RNF220: variants seen among roughly 807,000 people sequenced by gnomAD.
The protein encoded by RNF220 is ring finger protein 220, also known as E3 ubiquitin-protein ligase RNF220.
RNF220 carries 7 observed loss-of-function variants against 67.1 expected under a neutral mutation model. The observed-to-expected ratio is 0.10, with a 90% CI of 0.06 to 0.20. RNF220 has a LOEUF of 0.20. Among genes scored for constraint, RNF220 ranks in the 10% least tolerant of loss-of-function variants. The pLI, the probability that RNF220 is intolerant of heterozygous loss-of-function variation, is 1.00. For missense variants in RNF220, 565 were observed against 740.3 expected, an observed-to-expected ratio of 0.76 and a Z score of 2.75; for synonymous variants, 270 against 283.2, an observed-to-expected ratio of 0.95 and a Z score of 0.47.
At chr1:44,486,714 A>G (rs1656340531) in intron 2 of RNF220, among the ~76,000 whole-genome samples, 1 of 152,150 alleles carries the variant, frequency 6.6e-6, no homozygotes, top group Non-Finnish European at 1.5e-5. Context: ...GAAGCCATGG[A>G]GCTTCATGGC....
chr1:44,484,246 T>G (rs1435581003), intron 2 of RNF220, among the ~76,000 whole-genome samples: 1 of 151,724 alleles, frequency 6.6e-6, no homozygotes, highest in African/African-American at 2.4e-5. Context: ...GTAACTGGCA[T>G]AGAAGAAAAA....
At chr1:44,568,846 G>A (rs1664226423) in intron 2 of RNF220, among the ~76,000 whole-genome samples, 1 of 152,180 alleles carries the variant, frequency 6.6e-6, no homozygotes, top group Admixed American at 6.5e-5. Flanking sequence ...GGGATTCCAT[G>A]GGAAGGCTTC....
chr1:44,498,751 C>T (rs1368580012), intron 2 of RNF220, among the ~76,000 whole-genome samples: 3 of 152,284 alleles, frequency 2.0e-5, no homozygotes, highest in African/African-American at 4.8e-5. Flanking sequence ...CTGGGCCCCA[C>T]GCCCAGAGTT....
intron 2 of RNF220, among the ~76,000 whole-genome samples, chr1:44,526,983 A>T (rs557700448): frequency 6.6e-6 from 1 of 151,940 alleles, no homozygotes; most frequent in Admixed American, 6.6e-5. Flanking sequence ...CTTCTGCTTG[A>T]TGTGCCCCTT....
chr1:44,421,277 T>C (rs940629417), intron 2 of RNF220, among the ~76,000 whole-genome samples: 15 of 152,224 alleles, frequency 9.9e-5, no homozygotes, highest in African/African-American at 3.6e-4. Flanking sequence ...TTTATATTAC[T>C]GGATATTGTT....
rs147357590 is a variant in RNF220, at chr1:44,605,934, C to T, written c.626-8231C>T. 1.1e-4 allele frequency among the ~76,000 whole-genome samples: 17 copies of T among 152,314 alleles called. 1 individual carries two copies. The East Asian group carries it at 3.1e-3, about 28-fold the overall frequency. On this transcript the variant is annotated intron_variant, in intron 2 of 14. Transcript: ENST00000361799. Reference sequence around the variant, plus strand: ...CCTGGGGTCTGGGCAAGAGGGTGCACAGCTGTTCCCAGGACATCCCTGGGC... The same window carrying T: ...CCTGGGGTCTGGGCAAGAGGGTGCATAGCTGTTCCCAGGACATCCCTGGGC...
intron 8 of RNF220, among the ~76,000 whole-genome samples, chr1:44,637,287 TG>T (rs1644357181): frequency 6.6e-6 from 1 of 152,184 alleles, no homozygotes; most frequent in Non-Finnish European, 1.5e-5. Context: ...CCCAGGTGTT[TG>T]GGGGCAAGCC....
intron 6 of RNF220, chr1:44,632,684 G>T: frequency 1.9e-6 from 1 of 533,526 alleles, no homozygotes; most frequent in South Asian, 2.3e-5. Context: ...CGGGAGCTCA[G>T]CTTTGAATTT....
At chr1:44,524,822 G>A (rs1451853535) in intron 2 of RNF220, among the ~76,000 whole-genome samples, 1 of 152,178 alleles carries the variant, frequency 6.6e-6, no homozygotes, top group Non-Finnish European at 1.5e-5. Context: ...CAAATTATTA[G>A]CGCTGTAATG....
At chr1:44,419,231 A>T (rs1398912347) in intron 2 of RNF220, 2 of 152,224 alleles carry the variant, frequency 1.3e-5, no homozygotes, top group Non-Finnish European at 2.9e-5. Context: ...GTTGAACAGA[A>T]TGTGTTGTTA....
intron 2 of RNF220, among the ~76,000 whole-genome samples, chr1:44,485,975 C>T (rs1394298503): frequency 6.6e-6 from 1 of 152,168 alleles, no homozygotes; most frequent in African/African-American, 2.4e-5. Flanking sequence ...AAATCTATTG[C>T]CCCTCTGTAA....
chr1:44,440,904 G>C (rs772627378), intron 2 of RNF220, among the ~76,000 whole-genome samples: 13 of 152,178 alleles, frequency 8.5e-5, no homozygotes, highest in Non-Finnish European at 1.8e-4. Flanking sequence ...AGGTGCTCCA[G>C]AGGCCTTGAC....
chr1:44,580,495 C>T (rs1182406635), intron 2 of RNF220, among the ~76,000 whole-genome samples: 1 of 152,122 alleles, frequency 6.6e-6, no homozygotes, highest in Non-Finnish European at 1.5e-5. Context: ...TCTGTCTGAG[C>T]CCAAGAGTTT....
chr1:44,448,303 TA>T (rs1328219634), intron 2 of RNF220, among the ~76,000 whole-genome samples: 1 of 152,156 alleles, frequency 6.6e-6, no homozygotes, highest in Non-Finnish European at 1.5e-5. Flanking sequence ...AAAAAATAAA[TA>T]AGTAAATCGA....
chr1:44,650,353 T>TAAAATGTCGCCC lies in RNF220; in HGVS notation c.1630-350_1630-339dup. 1 of 464,340 alleles carries TAAAATGTCGCCC rather than the reference T, an allele frequency of 2.2e-6. No individual in the cohort carries two copies. Among genetic ancestry groups the TAAAATGTCGCCC allele is most frequent in the Non-Finnish European group, 3.9e-6 (1 of 253,868 alleles). The allele number at this position is 464,340 out of a possible 1,614,324, so 28.8% of individuals were successfully genotyped here. On this transcript the variant is annotated intron_variant, in intron 14 of 14. Coordinates refer to ENST00000361799, the MANE Select transcript of RNF220 (RefSeq NM_018150.4). This position sits in a 1 kb window ranked among gnomAD's most constrained non-coding sequence, Gnocchi z 4.3. ...CTGTTCTTCGCTCAGGAGCAGCCAT[T>TAAAATGTCGCCC]AAAATGTCGCCCGGAGACAGTAATA...
intron 8 of RNF220, among the ~76,000 whole-genome samples, chr1:44,639,824 C>G (rs1245747802): frequency 6.6e-6 from 1 of 151,936 alleles, no homozygotes; most frequent in Non-Finnish European, 1.5e-5. Context: ...ACTTTTTCAC[C>G]CAGGCTGGAG....
chr1:44,588,218 G>A (rs1186572218), intron 2 of RNF220, among the ~76,000 whole-genome samples: 2 of 152,152 alleles, frequency 1.3e-5, no homozygotes, highest in East Asian at 3.9e-4. Context: ...TCTGGGAGCC[G>A]GGCTGTTCTC....
At chr1:44,592,859 C>T (rs1227191714) in intron 2 of RNF220, among the ~76,000 whole-genome samples, 1 of 152,122 alleles carries the variant, frequency 6.6e-6, no homozygotes, top group Non-Finnish European at 1.5e-5. Flanking sequence ...AACTCCTGTT[C>T]CCTATGACAG....
chr1:44,441,451 T>C (rs1651543830), intron 2 of RNF220, among the ~76,000 whole-genome samples: 1 of 152,094 alleles, frequency 6.6e-6, no homozygotes, highest in Non-Finnish European at 1.5e-5. Flanking sequence ...GAAGATAAAA[T>C]GCATGATCAT....
Sources: gnomAD v4.1 joint callset for allele counts (sites outside exome capture counted in the v4.1 genomes callset) on GRCh38, gnomAD v4.1.1 for gene constraint, Gnocchi (gnomAD v3.1) non-coding constraint, MANE v1.5 for transcripts, NCBI Gene and HGNC (gene_info 2026-07-23, HGNC 2026-07-21) for gene names.